The following STRN variants were observed in gnomAD, a reference collection of about 807,000 sequenced individuals.
The protein encoded by STRN is protein phosphatase 2 regulatory subunit B'''alpha.
STRN carries 53 observed loss-of-function variants against 96.3 expected under a neutral mutation model. The ratio of observed to expected loss-of-function variants is 0.55; its 90% confidence interval spans 0.44 to 0.69. The LOEUF is 0.69. Ranked by LOEUF, STRN falls within the 30% of genes least tolerant of loss-of-function variation. The pLI, the probability that STRN is intolerant of heterozygous loss-of-function variation, is 0.00. For missense variants in STRN, 987 were observed against 963.9 expected (o/e 1.02, Z -0.32); for synonymous variants, 428 against 355.9 (o/e 1.20, Z -2.28).
At chr2:36,945,133 GA>G (rs1670946547) in intron 1 of STRN, among the ~76,000 whole-genome samples, 1 of 151,850 alleles carries the variant, frequency 6.6e-6, no homozygotes, top group East Asian at 1.9e-4. Flanking sequence ...TAAAAAAAGA[GA>G]AAAATGGGAC....
chr2:36,935,225 G>T (rs550224362), intron 1 of STRN, among the ~76,000 whole-genome samples: 1 of 151,932 alleles, frequency 6.6e-6, no homozygotes, highest in South Asian at 2.1e-4. Context: ...TTTCATTTTC[G>T]GATTCTACCA....
chr2:36,924,981 G>C (rs553659111), intron 2 of STRN, 124 bp downstream of exon 2: 18 of 721,796 alleles, frequency 2.5e-5, no homozygotes. Flanking sequence ...GCTTGAAACC[G>C]GGAGGCGGAG....
chr2:36,903,010 G>T, intron 4 of STRN: 1 of 228,348 alleles, frequency 4.4e-6, no homozygotes, highest in Non-Finnish European at 8.4e-6. Flanking sequence ...AGAAGAAGCT[G>T]GTCTTTAATA....
At chr2:36,937,911 T>G (rs1414962280) in intron 1 of STRN, among the ~76,000 whole-genome samples, 1 of 152,024 alleles carries the variant, frequency 6.6e-6, no homozygotes, top group Non-Finnish European at 1.5e-5. Context: ...TAGTAAATAG[T>G]TCTATAAAGA....
intron 1 of STRN, among the ~76,000 whole-genome samples, chr2:36,951,232 G>A (rs1664745865): frequency 2.0e-5 from 3 of 152,192 alleles, no homozygotes; most frequent in African/African-American, 7.2e-5. Context: ...ACACAAGGCG[G>A]GGTGGAAGGA....
At chr2:36,912,475 C>T (rs2148214070) in intron 3 of STRN, among the ~76,000 whole-genome samples, 5 of 152,308 alleles carry the variant, frequency 3.3e-5, no homozygotes, top group Admixed American at 3.3e-4. Context: ...GTGAACAGTC[C>T]TTCCTTCTGG....
intron 10 of STRN, among the ~76,000 whole-genome samples, chr2:36,877,203 C>A (rs537149318): frequency 6.6e-6 from 1 of 152,340 alleles, no homozygotes; most frequent in Non-Finnish European, 1.5e-5. Context: ...ATTAAAATCT[C>A]TTCTCAACAG....
intron 1 of STRN, among the ~76,000 whole-genome samples, chr2:36,951,881 C>G (rs903520442): frequency 6.6e-6 from 1 of 152,226 alleles, no homozygotes; most frequent in Non-Finnish European, 1.5e-5. Context: ...GGCAAGCCAG[C>G]ATTACCCGCT....
intron 1 of STRN, among the ~76,000 whole-genome samples, chr2:36,935,826 G>T (rs140676626): frequency 1.3e-5 from 2 of 152,152 alleles, no homozygotes; most frequent in Non-Finnish European, 2.9e-5. Context: ...ATACGAAGTA[G>T]AAGTATAAAC....
chr2:36,884,078 AGC>A lies in STRN; in HGVS notation c.1043-5_1043-4del, dbSNP rs746262337. 1.2e-5 allele frequency: 16 copies of A among 1,313,876 alleles called. No homozygotes were observed. In the South Asian group the frequency reaches 4.5e-4, roughly 37 times the overall value. 81.4% of individuals were successfully genotyped at this position (1,313,876 alleles called of 1,614,324 possible). A position where few individuals can be genotyped will look rare whatever the true frequency, so the allele number is the denominator to read the frequency against. On this transcript the variant is annotated splice_region_variant and splice_polypyrimidine_tract_variant and intron_variant, in intron 8 of 17. Coordinates refer to ENST00000263918, the MANE Select transcript of STRN (RefSeq NM_003162.4). ...TTGTAGTTTTGACCTATTGGGCCCT[AGC>A]CAAAAAAAGGGGGGGTGGGAGGAGA...
At position 36,922,116 on chromosome 2, in the gene STRN, A is replaced by G. The variant is rs546555181; in HGVS notation, c.338+2989T>C. On this transcript the variant is annotated intron_variant, in intron 2 of 17. Coordinates refer to ENST00000263918, the MANE Select transcript of STRN (RefSeq NM_003162.4). ...TTTAGGGGAAAAAAATGGTACCTAT[A>G]GAGAGAGCAAACACAATAAAGCAAA... Among the ~76,000 whole-genome samples, 110 of 152,342 alleles carry G rather than the reference A, an allele frequency of 7.2e-4. 1 individual carries two copies. The highest frequency in any genetic ancestry group is 2.6e-3 in the African/African-American group (107 of 41,578).
chr2:36,889,330 C>T (rs1558639119), intron 7 of STRN, among the ~76,000 whole-genome samples: 3 of 152,070 alleles, frequency 2.0e-5, no homozygotes, highest in African/African-American at 7.2e-5. Context: ...TTTTAAACAA[C>T]ATTTTTATAT....
chr2:36,866,696 A>G (rs1395420615), intron 12 of STRN, among the ~76,000 whole-genome samples: 1 of 152,196 alleles, frequency 6.6e-6, no homozygotes, highest in Admixed American at 6.5e-5. Flanking sequence ...GAATTTATTA[A>G]TCTGGGTGCT....
chr2:36,855,122 G>T, intron 15 of STRN, 90 bp downstream of exon 15: 1 of 1,342,790 alleles, frequency 7.4e-7, no homozygotes, highest in Non-Finnish European at 1.0e-6. Context: ...GCTTTATAAT[G>T]ACAAATATTT....
chr2:36,866,566 G>C (rs1047083894), intron 12 of STRN, among the ~76,000 whole-genome samples: 6 of 152,142 alleles, frequency 3.9e-5, no homozygotes, highest in Non-Finnish European at 7.4e-5. Flanking sequence ...ATTTGGTCAA[G>C]CATCAAGTTC....
At chr2:36,915,228 CATAA>C (rs1194516783) in intron 3 of STRN, among the ~76,000 whole-genome samples, 89 of 65,282 alleles carry the variant, frequency 1.4e-3, no homozygotes, top group African/African-American at 3.9e-3. Flanking sequence ...AAACTGAATA[CATAA>C]ATATATATAT....
In STRN at chr2:36,840,144, T is replaced by C. The variant is rs1276492259; in HGVS notation, c.*9312A>G. 4 of 152,238 alleles carry C rather than the reference T, an allele frequency of 2.6e-5. No individual in the cohort carries two copies. Among genetic ancestry groups the C allele is most frequent in the African/African-American group, 9.7e-5 (4 of 41,420 alleles). The allele number at this position is 152,238 out of a possible 1,614,324, so 9.4% of individuals were successfully genotyped here. ...CTTTCTCCTGGACAACAGCAGTCAG[T>C]AGGGCCATCTGTAGGTTGCAAGGAA... is the stretch of plus-strand genomic sequence containing the variant. On this transcript the variant is annotated 3_prime_UTR_variant, in exon 18 of 18. Coordinates refer to ENST00000263918, the MANE Select transcript of STRN (RefSeq NM_003162.4).
intron 1 of STRN, among the ~76,000 whole-genome samples, chr2:36,962,199 C>CA (rs1665045267): frequency 6.6e-6 from 1 of 152,086 alleles, no homozygotes; most frequent in Admixed American, 6.6e-5. Context: ...AGTGAAAATA[C>CA]AAATTATTAA....
intron 1 of STRN, among the ~76,000 whole-genome samples, chr2:36,929,810 T>C (rs546779241): frequency 1.2e-4 from 19 of 152,264 alleles, no homozygotes; most frequent in Non-Finnish European, 2.6e-4. Flanking sequence ...CACTTTTCAG[T>C]AGCTTTTCAG....
Sources: allele counts gnomAD v4.1 joint callset (sites outside exome capture counted in the v4.1 genomes callset), GRCh38; gene constraint gnomAD v4.1.1; transcripts MANE v1.5; gene names NCBI Gene and HGNC (gene_info 2026-07-23, HGNC 2026-07-21).